Variants in TRPM5 observed in about 807,000 individuals in gnomAD.
The protein encoded by TRPM5 is transient receptor potential cation channel subfamily M member 5.
In TRPM5, 121 loss-of-function variants were observed where a neutral mutation model predicts 124.9. The ratio of observed to expected loss-of-function variants is 0.97; its 90% CI spans 0.84 to 1.13. The LOEUF (loss-of-function observed/expected upper bound fraction) is 1.13, where lower values mean the gene tolerates loss of function less well. TRPM5 is among the 50% of genes most tolerant of loss of function. TRPM5 has a pLI of 0.00. For synonymous variants in TRPM5, 781 were observed against 700.5 expected, an observed-to-expected ratio of 1.11 and a Z score of -1.81; for missense variants, 1,643 against 1,589.1, an observed-to-expected ratio of 1.03 and a Z score of -0.58.
At chr11:2,414,823 C>T (rs1030203690) in exon 11 of TRPM5, 1 of 1,591,292 alleles carries the variant, frequency 6.3e-7, no homozygotes, top group Non-Finnish European at 8.5e-7. Flanking sequence ...AGTGCGGCTG[C>T]CACACCTTCC....
At chr11:2,407,340 A>G (rs1850344913) in intron 19 of TRPM5, 40 bp from the exon 25 acceptor site, 1 of 1,576,288 alleles carries the variant, frequency 6.3e-7, no homozygotes, top group South Asian at 1.2e-5. Context: ...CCGGCTCCCC[A>G]CGACCACTTG....
exon 6 of TRPM5, chr11:2,418,277 G>T (rs200637642): frequency 6.1e-5 from 96 of 1,580,966 alleles, no homozygotes; most frequent in Non-Finnish European, 7.5e-5. Context: ...TGGTTCACTA[G>T]GGCAGCAAGC....
intron 1 of TRPM5, 100 bp downstream of exon 6, chr11:2,422,820 G>A: frequency 9.8e-7 from 1 of 1,022,884 alleles, no homozygotes; most frequent in Non-Finnish European, 1.5e-6. Flanking sequence ...GACCCCAGGG[G>A]TGAGGAGGAC....
At chr11:2,439,869 C>A in the TRPM5 span, among the ~76,000 whole-genome samples, 1 of 152,180 alleles carries the variant, frequency 6.6e-6, no homozygotes, top group African/African-American at 2.4e-5. Flanking sequence ...CAAAAAGACA[C>A]CTGCACTTCC....
chr11:2,419,051 A>G (rs547823646), intron 4 of TRPM5, among the ~76,000 whole-genome samples: 76 of 152,188 alleles, frequency 5.0e-4, no homozygotes, highest in African/African-American at 1.8e-3. Flanking sequence ...TGAGATGTCT[A>G]TATGTGAAGC....
At chr11:2,426,389 C>G (rs956930830), upstream of TRPM5, among the ~76,000 whole-genome samples, 6 of 152,168 alleles carry the variant, frequency 3.9e-5, no homozygotes, top group African/African-American at 1.4e-4. Context: ...GTGATGCAAA[C>G]AGCTGGGATT....
At position 2,418,366 on chromosome 11, in the gene TRPM5, G is replaced by A. The variant is rs146010704; in HGVS notation, c.715-8C>T. On this transcript the variant is annotated splice_region_variant and splice_polypyrimidine_tract_variant and intron_variant, in intron 5 of 23. Transcript: ENST00000155858. ...CACGGCCCTGGAGATCCTCTGAGAC[G>A]GGGAGGGAGGGGAGAGCGGACCCCA... The A allele has an allele frequency of 4.6e-5, 71 of 1,542,308 alleles. No homozygotes were observed. The highest frequency in any genetic ancestry group is 1.2e-4 in the African/African-American group (9 of 73,210).
intron 21 of TRPM5, 153 bp from the exon 27 acceptor site, chr11:2,406,244 G>A (rs1170670654): frequency 2.5e-6 from 2 of 787,442 alleles, no homozygotes; most frequent in Admixed American, 4.2e-5. Context: ...GGTGGCACCA[G>A]GACCCCTCAA....
upstream of TRPM5, among the ~76,000 whole-genome samples, chr11:2,425,956 T>C (rs551448815): frequency 9.2e-4 from 140 of 152,170 alleles, no homozygotes; most frequent in Non-Finnish European, 1.7e-3. Context: ...GGAGGGGTCC[T>C]ACAGGGCTCC....
chr11:2,413,098 AGT>A (rs771061830), intron 14 of TRPM5, 34 bp downstream of exon 19: 6 of 1,549,226 alleles, frequency 3.9e-6, no homozygotes, highest in Non-Finnish European at 4.4e-6. Flanking sequence ...ACCACCCGCC[AGT>A]CCCCTCCACC....
At chr11:2,406,217 C>T (rs1186736691) in intron 21 of TRPM5, 126 bp from the exon 27 acceptor site, 3 of 978,510 alleles carry the variant, frequency 3.1e-6, no homozygotes, top group Non-Finnish European at 4.7e-6. Context: ...TTCCCTTCCT[C>T]CCTCATGCCC....
rs189939494 is a variant in TRPM5 at position 2,420,270 on chromosome 11, G to A, written c.601C>T (p.Arg201Trp). The change falls in exon 4 of 24, where the codon CGG becomes TGG. Residue 201 changes from arginine (R) to tryptophan (W), a missense_variant. Arg to Trp is a moderately radical substitution (Grantham distance 101, BLOSUM62 -3). Transcript: ENST00000155858. ...GAGATGTGCTTCTCCAGCCTCAGCC[G>A]CAGCTCCGTCAGCCCATCGCCCTTC... 6.5e-5 allele frequency: 104 copies of A among 1,611,478 alleles called. No homozygotes were observed. The highest frequency in any genetic ancestry group is 8.1e-5 in the Non-Finnish European group (96 of 1,179,878).
chr11:2,430,705 TG>T, the TRPM5 span, among the ~76,000 whole-genome samples: 11 of 151,330 alleles, frequency 7.3e-5, no homozygotes, highest in African/African-American at 2.7e-4. Flanking sequence ...GAGGCGGTGT[TG>T]GTGTTGGTGG....
At chr11:2,412,287 T>C (rs745753884) in intron 15 of TRPM5, 34 bp from the exon 21 acceptor site, 1 of 1,539,726 alleles carries the variant, frequency 6.5e-7, no homozygotes. Context: ...CTGACAGCTG[T>C]CCAGCCGCCC....
intron 20 of TRPM5, 38 bp from the exon 26 acceptor site, chr11:2,406,831 T>A: frequency 1.3e-6 from 2 of 1,591,918 alleles, no homozygotes; most frequent in Non-Finnish European, 1.7e-6. Flanking sequence ...TACTAGAGCA[T>A]GTGGGCGTCA....
intron 3 of TRPM5, among the ~76,000 whole-genome samples, 177 bp from the exon 9 acceptor site, chr11:2,420,582 C>T (rs1049588448): frequency 6.6e-6 from 1 of 152,190 alleles, no homozygotes; most frequent in Admixed American, 6.5e-5. Context: ...AGCTGGGGCC[C>T]GGGGACCCTC....
intron 18 of TRPM5, among the ~76,000 whole-genome samples, chr11:2,409,044 C>T (rs1850386851): frequency 6.6e-6 from 1 of 152,206 alleles, no homozygotes; most frequent in Admixed American, 6.5e-5. Flanking sequence ...GTTCCTGCCT[C>T]TGTGCCTGGG....
At chr11:2,417,153 A>G (rs1845699029) in intron 7 of TRPM5, among the ~76,000 whole-genome samples, 1 of 152,182 alleles carries the variant, frequency 6.6e-6, no homozygotes. Context: ...TCACGAATAT[A>G]CTAAAAACCA....
At chr11:2,405,475 C>T in intron 23 of TRPM5, 52 bp downstream of exon 28, 3 of 1,520,514 alleles carry the variant, frequency 2.0e-6, no homozygotes, top group Non-Finnish European at 2.7e-6. Context: ...CCAGCCGCTG[C>T]AGAGTGGGTG....
Sources: allele counts gnomAD v4.1 joint callset (sites outside exome capture counted in the v4.1 genomes callset), GRCh38; gene constraint gnomAD v4.1.1; transcripts MANE v1.5; gene names NCBI Gene and HGNC (gene_info 2026-07-23, HGNC 2026-07-21).